Variants in TTLL5 observed in about 807,000 individuals in gnomAD.
TTLL5 encodes the protein tubulin tyrosine ligase like 5, also known as tubulin polyglutamylase TTLL5.
Under a neutral mutation model 168.4 loss-of-function variants are expected in TTLL5, and 132 were observed. That is an observed-to-expected ratio of 0.78 (90% CI 0.68 to 0.91). The LOEUF is 0.91. Ranked by LOEUF, TTLL5 falls within the 40% of genes least tolerant of loss-of-function variation. The pLI is 0.00. For missense variants in TTLL5, 1,545 were observed against 1,581.5 expected, an observed-to-expected ratio of 0.98 and a Z score of 0.39; for synonymous variants, 546 against 558.6, an observed-to-expected ratio of 0.98 and a Z score of 0.32.
intron 2 of TTLL5, among the ~76,000 whole-genome samples, chr14:75,667,641 T>C (rs975669067): frequency 5.3e-5 from 8 of 152,174 alleles, no homozygotes; most frequent in Non-Finnish European, 1.0e-4. Flanking sequence ...TGCTGTTCTT[T>C]GCTTTCTTCA....
chr14:75,794,717 C>G (rs528382469), intron 27 of TTLL5, among the ~76,000 whole-genome samples: 1 of 152,220 alleles, frequency 6.6e-6, no homozygotes, highest in Admixed American at 6.5e-5. Flanking sequence ...CTTTTAGAGT[C>G]TTGGTAATAG....
intron 31 of TTLL5, among the ~76,000 whole-genome samples, chr14:75,930,104 A>G (rs923268290): frequency 6.6e-6 from 1 of 152,166 alleles, no homozygotes; most frequent in Non-Finnish European, 1.5e-5. Flanking sequence ...CACCTTTCAG[A>G]TGTTTGGTGT....
intron 9 of TTLL5, among the ~76,000 whole-genome samples, chr14:75,715,076 C>T (rs193043724): frequency 6.4e-4 from 98 of 152,212 alleles, no homozygotes; most frequent in African/African-American, 2.0e-3. Flanking sequence ...AAATCTGGCT[C>T]GCAGTATCTT....
At chr14:75,896,868 C>A (rs1230241022) in intron 30 of TTLL5, among the ~76,000 whole-genome samples, 1 of 152,068 alleles carries the variant, frequency 6.6e-6, no homozygotes, top group Non-Finnish European at 1.5e-5. Flanking sequence ...CCCTCCTGGA[C>A]TGGGTTTTAT....
chr14:75,826,620 A>G (rs185324586), intron 28 of TTLL5, among the ~76,000 whole-genome samples: 11 of 152,304 alleles, frequency 7.2e-5, no homozygotes, highest in Admixed American at 4.6e-4. Context: ...AGGCCTGGTT[A>G]TGACAAAGTT....
intron 30 of TTLL5, among the ~76,000 whole-genome samples, chr14:75,893,474 T>C (rs2032502066): frequency 6.6e-6 from 1 of 152,134 alleles, no homozygotes; most frequent in African/African-American, 2.4e-5. Context: ...CTTCGAAGTG[T>C]TGATAATAAA....
At chr14:75,720,349 A>C (rs17783180) in intron 11 of TTLL5, among the ~76,000 whole-genome samples, 2,063 of 152,266 alleles carry the variant, frequency 0.014, 28 homozygotes, top group Non-Finnish European at 0.022. Context: ...TGAGGCTCCT[A>C]TTCCATTATG....
intron 28 of TTLL5, chr14:75,847,688 A>G (rs574175915): frequency 1.3e-5 from 2 of 152,154 alleles, no homozygotes; most frequent in Non-Finnish European, 2.9e-5. Flanking sequence ...AACACAGTTG[A>G]TGAAAGGCAG....
At chr14:75,781,400 G>A (rs1485246554) in intron 24 of TTLL5, among the ~76,000 whole-genome samples, 1 of 152,102 alleles carries the variant, frequency 6.6e-6, no homozygotes, top group East Asian at 1.9e-4. Context: ...GTGTGACAGT[G>A]TTACCACTGC....
At chr14:75,830,640 C>T (rs1054153519) in intron 28 of TTLL5, among the ~76,000 whole-genome samples, 2 of 152,038 alleles carry the variant, frequency 1.3e-5, no homozygotes, top group African/African-American at 4.8e-5. Flanking sequence ...TGTATATTTT[C>T]CCATCACCAC....
chr14:75,840,944 G>T (rs1030261428), intron 28 of TTLL5, among the ~76,000 whole-genome samples: 1 of 152,186 alleles, frequency 6.6e-6, no homozygotes, highest in Non-Finnish European at 1.5e-5. Flanking sequence ...CTTCTGGTAG[G>T]GGCCTCAGAA....
chr14:75,885,863 G>T (rs2032088639), intron 30 of TTLL5, among the ~76,000 whole-genome samples: 1 of 152,166 alleles, frequency 6.6e-6, no homozygotes, highest in South Asian at 2.1e-4. Flanking sequence ...CAAATACAGT[G>T]CCTGGTATGT....
intron 24 of TTLL5, among the ~76,000 whole-genome samples, chr14:75,780,022 A>C (rs1891953530): frequency 6.6e-6 from 1 of 152,192 alleles, no homozygotes; most frequent in African/African-American, 2.4e-5. Context: ...AAAACCATAT[A>C]GAGTGGGCAC....
At chr14:75,678,378 A>C (rs1884349469) in intron 3 of TTLL5, among the ~76,000 whole-genome samples, 1 of 152,230 alleles carries the variant, frequency 6.6e-6, no homozygotes, top group Admixed American at 6.5e-5. Flanking sequence ...GAATAAGGGC[A>C]TATTCTATAT....
intron 31 of TTLL5, among the ~76,000 whole-genome samples, chr14:75,949,447 TCTATATCCTATATATATATA>T (rs1229085525): frequency 7.5e-6 from 1 of 132,480 alleles, no homozygotes; most frequent in Non-Finnish European, 1.6e-5. Context: ...ATATATATAT[TCTATATCCTATATATATATA>T]ACCTTATATA....
intron 31 of TTLL5, among the ~76,000 whole-genome samples, chr14:75,907,491 G>C (rs960421016): frequency 6.6e-6 from 1 of 152,152 alleles, no homozygotes; most frequent in African/African-American, 2.4e-5. Context: ...TTACCTCTGG[G>C]GGAATATTTA....
intron 4 of TTLL5, among the ~76,000 whole-genome samples, chr14:75,683,019 G>A (rs187946312): frequency 2.0e-5 from 3 of 152,178 alleles, no homozygotes; most frequent in Admixed American, 1.3e-4. Context: ...CGCTCCTCCC[G>A]CCTCGGCCTC....
At chr14:75,881,088 A>G (rs568980430) in intron 29 of TTLL5, among the ~76,000 whole-genome samples, 70 of 152,084 alleles carry the variant, frequency 4.6e-4, no homozygotes, top group African/African-American at 1.7e-3. Flanking sequence ...TAATTTTTGT[A>G]TTTTTTGTAA....
chr14:75,714,377 TTCA>T (rs1887290816), intron 9 of TTLL5, among the ~76,000 whole-genome samples: 1 of 152,236 alleles, frequency 6.6e-6, no homozygotes, highest in African/African-American at 2.4e-5. Context: ...AATTTCATTC[TTCA>T]TCTCATTTCT....
Sources: allele counts gnomAD v4.1 joint callset (sites outside exome capture counted in the v4.1 genomes callset), GRCh38; gene constraint gnomAD v4.1.1; transcripts MANE v1.5; gene names NCBI Gene and HGNC (gene_info 2026-07-23, HGNC 2026-07-21).